NMT2: variants seen among roughly 807,000 people sequenced by gnomAD.
NMT2 encodes the protein N-myristoyltransferase 2.
Under a neutral mutation model 65.4 loss-of-function variants are expected in NMT2, and 35 were observed. The observed-to-expected ratio is 0.54, with a 90% CI of 0.41 to 0.71. The LOEUF (loss-of-function observed/expected upper bound fraction) is 0.71, where lower values mean the gene tolerates loss of function less well. Ranked by LOEUF, NMT2 falls within the 30% of genes least tolerant of loss-of-function variation. NMT2 has a pLI of 0.00. For missense variants in NMT2, 489 were observed against 611.3 expected (o/e 0.80, Z 2.11); for synonymous variants, 226 against 231.8 (o/e 0.98, Z 0.23).
chr10:15,106,403 C>G lies in NMT2; in HGVS notation c.*2792G>C, dbSNP rs2131444462. Reference sequence around the variant, plus strand: ...TTGACTCCAGGTTAAGTCAAAATCTCATTTACTTAATGCTGGTATCTCAAA... The same window carrying G: ...TTGACTCCAGGTTAAGTCAAAATCTGATTTACTTAATGCTGGTATCTCAAA... On this transcript the variant is annotated 3_prime_UTR_variant, in exon 12 of 12. Coordinates refer to ENST00000378165, the MANE Select transcript of NMT2 (RefSeq NM_004808.3). 1 of 153,138 alleles carries G rather than the reference C, an allele frequency of 6.5e-6. No homozygotes were observed. The highest frequency in any genetic ancestry group is 1.9e-4 in the East Asian group (1 of 5,194). The allele number at this position is 153,138 out of a possible 1,614,324, so 9.5% of individuals were successfully genotyped here. A position where few individuals can be genotyped will look rare whatever the true frequency, so the allele number is the denominator to read the frequency against.
Position 15,135,192 on chromosome 10 carries a change from T to TGTTG in NMT2, c.391+81_391+82insCAAC, listed in dbSNP as rs1564574009. ...CATGTGAAGTTAACACTCTTTGTGT[T>TGTTG]TTGTTGTTGTTGTTGTTGTTGTTGT... On this transcript the variant is annotated intron_variant, in intron 3 of 11. Transcript: ENST00000378165. 4.5e-4 allele frequency: 559 copies of TGTTG among 1,247,922 alleles called. 7 individuals carry two copies. The African/African-American group carries it at 7.5e-3, about 17-fold the overall frequency. 77.3% of individuals were successfully genotyped at this position (1,247,922 alleles called of 1,614,324 possible). A position where few individuals can be genotyped will look rare whatever the true frequency, so the allele number is the denominator to read the frequency against.
intron 1 of NMT2, among the ~76,000 whole-genome samples, chr10:15,166,591 T>C (rs1053414895): frequency 2.0e-5 from 3 of 152,200 alleles, no homozygotes; most frequent in Admixed American, 6.5e-5. Context: ...GTTTTCCTAA[T>C]CTCCTTACAT....
Position 15,106,918 on chromosome 10 carries a change from T to G in NMT2, c.*2277A>C, listed in dbSNP as rs937668090. On this transcript the variant is annotated 3_prime_UTR_variant, in exon 12 of 12. Coordinates refer to ENST00000378165, the MANE Select transcript of NMT2 (RefSeq NM_004808.3). ...GAGTTAAAGACCAGCACGGGAAACATAGCAAGACCTTGTCTCTACAAAAAA... is the reference window on the plus strand; with the variant it reads ...GAGTTAAAGACCAGCACGGGAAACAGAGCAAGACCTTGTCTCTACAAAAAA... Among the ~76,000 whole-genome samples the G allele has an allele frequency of 1.3e-5, 2 of 152,124 alleles. No individual in the cohort carries two copies. The highest frequency in any genetic ancestry group is 1.9e-4 in the East Asian group (1 of 5,192).
intron 11 of NMT2, 97 bp downstream of exon 11, chr10:15,109,605 A>G: frequency 1.1e-6 from 1 of 949,122 alleles, no homozygotes; most frequent in Non-Finnish European, 1.5e-6. Context: ...AAAATGAACA[A>G]AAATAAAATA....
rs1393617276 is a variant in NMT2, at chr10:15,108,168, G to T, written c.*1027C>A. On this transcript the variant is annotated 3_prime_UTR_variant, in exon 12 of 12. Transcript: ENST00000378165. The stretch of plus-strand genomic sequence containing the variant: ...GCACAACAGCAGAAAAGTCTAGTTA[G>T]TCGCGGGTACAGGCTCTTTCTTTTT... 4.1e-6 allele frequency: 4 copies of T among 983,666 alleles called. No individual in the cohort carries two copies. In the African/African-American group the frequency reaches 7.0e-5, roughly 17 times the overall value. 60.9% of individuals were successfully genotyped at this position (983,666 alleles called of 1,614,324 possible).
At chr10:15,146,089 A>G (rs936300965) in intron 1 of NMT2, among the ~76,000 whole-genome samples, 7 of 152,206 alleles carry the variant, frequency 4.6e-5, no homozygotes, top group African/African-American at 1.4e-4. Flanking sequence ...TCGGTCTTCA[A>G]GAACTCAAGT....
At chr10:15,145,929 C>T (rs78457076) in intron 1 of NMT2, among the ~76,000 whole-genome samples, 2,725 of 152,192 alleles carry the variant, frequency 0.018, 46 homozygotes, top group Middle Eastern at 0.058. Flanking sequence ...AAGCGGGCTT[C>T]CAGATACTGA....
At chr10:15,147,411 A>T (rs35375081) in intron 1 of NMT2, among the ~76,000 whole-genome samples, 6,606 of 152,244 alleles carry the variant, frequency 0.043, 192 homozygotes, top group Non-Finnish European at 0.07. Context: ...ATACCTTTGT[A>T]AGGAAAACAT....
At chr10:15,112,150 A>ATAT (rs1845539069) in intron 10 of NMT2, among the ~76,000 whole-genome samples, 1 of 118,774 alleles carries the variant, frequency 8.4e-6, no homozygotes, top group Admixed American at 1.1e-4. Flanking sequence ...TATTTTCCTT[A>ATAT]TATTACTTCC....
chr10:15,139,250 CTCTATCTA>C lies in NMT2; in HGVS notation c.246+2164_246+2171del, dbSNP rs148766759. ...GTGAATTAATACTTAATAAACTCCC[CTCTATCTA>C]TCTATCTATCTATCTATCTATCTAT... On this transcript the variant is annotated intron_variant, in intron 2 of 11. Coordinates refer to ENST00000378165, the MANE Select transcript of NMT2 (RefSeq NM_004808.3). Among the ~76,000 whole-genome samples the C allele has an allele frequency of 9.6e-3, 1,414 of 146,884 alleles. 33 individuals carry two copies. In the East Asian group the frequency reaches 0.1, roughly 11 times the overall value.
chr10:15,154,827 ATCT>A (rs749648534), intron 1 of NMT2: 8 of 774,050 alleles, frequency 1.0e-5, no homozygotes, highest in Middle Eastern at 2.3e-4. Context: ...AGCAGTGGTG[ATCT>A]TCTTCCTGCT....
At chr10:15,155,881 T>C (rs1186712602) in intron 1 of NMT2, among the ~76,000 whole-genome samples, 1 of 152,128 alleles carries the variant, frequency 6.6e-6, no homozygotes, top group Admixed American at 6.5e-5. Context: ...GACAGTGAAT[T>C]TGATCACAGA....
intron 1 of NMT2, among the ~76,000 whole-genome samples, chr10:15,150,888 C>T (rs547370271): frequency 6.6e-6 from 1 of 152,272 alleles, no homozygotes; most frequent in African/African-American, 2.4e-5. Flanking sequence ...GATGATCCCC[C>T]TTGCTAGCTT....
Position 15,128,475 on chromosome 10 carries a change from G to A in NMT2, c.891-17C>T. The A allele has an allele frequency of 1.4e-6, 2 of 1,441,092 alleles. No individual in the cohort carries two copies. Among genetic ancestry groups the A allele is most frequent in the Non-Finnish European group, 1.9e-6 (2 of 1,031,738 alleles). The allele number at this position is 1,441,092 out of a possible 1,614,324, so 89.3% of individuals were successfully genotyped here. ...TGCCAGTATCTGGAATACAATAAAGGTTTTAAAATCAAATTGATTTCTAAC... is the reference window on the plus strand; with the variant it reads ...TGCCAGTATCTGGAATACAATAAAGATTTTAAAATCAAATTGATTTCTAAC... On this transcript the variant is annotated splice_polypyrimidine_tract_variant and intron_variant, in intron 7 of 11. Transcript: ENST00000378165.
chr10:15,156,982 T>C (rs1833025184), intron 1 of NMT2, among the ~76,000 whole-genome samples: 1 of 152,200 alleles, frequency 6.6e-6, no homozygotes, highest in Admixed American at 6.5e-5. Flanking sequence ...CACTGGTTCT[T>C]TCTTCAGTTT....
intron 8 of NMT2, among the ~76,000 whole-genome samples, chr10:15,120,922 C>G (rs1845908257): frequency 6.6e-6 from 1 of 152,136 alleles, no homozygotes; most frequent in South Asian, 2.1e-4. Flanking sequence ...TATCACTACT[C>G]CAGAGCTTTA....
At chr10:15,146,197 C>G (rs1025503708) in intron 1 of NMT2, among the ~76,000 whole-genome samples, 1 of 152,196 alleles carries the variant, frequency 6.6e-6, no homozygotes, top group Non-Finnish European at 1.5e-5. Flanking sequence ...CAGCTTCCAT[C>G]CAGAGAGAAT....
Position 15,130,243 on chromosome 10 carries a change from T to G in NMT2, c.789A>C (p.Pro263=), listed in dbSNP as rs752071819. The change falls in exon 7 of 12, where the codon CCA becomes CCC. Residue 263 remains proline (P), a synonymous_variant. Transcript: ENST00000378165. ...HKKLRSKRVA[P]VLIREITRRV... ...TTCTAGTGATCTCTCGGATTAGCAC[T>G]GGGGCTACCCGTTTCGATCTCAACT... 1 of 1,609,350 alleles carries G rather than the reference T, an allele frequency of 6.2e-7. No homozygotes were observed. The highest frequency in any genetic ancestry group is 8.5e-7 in the Non-Finnish European group (1 of 1,177,658).
chr10:15,125,068 G>C (rs1846033966), intron 8 of NMT2, among the ~76,000 whole-genome samples: 1 of 152,172 alleles, frequency 6.6e-6, no homozygotes, highest in East Asian at 1.9e-4. Context: ...TCTGGGGCCT[G>C]CATCCCAAGC....
Sources: allele counts gnomAD v4.1 joint callset (sites outside exome capture counted in the v4.1 genomes callset), GRCh38; gene constraint gnomAD v4.1.1; transcripts MANE v1.5; gene names NCBI Gene and HGNC (gene_info 2026-07-23, HGNC 2026-07-21).